The following PACRG variants were observed in gnomAD, a reference collection of about 807,000 sequenced individuals.
PACRG encodes parkin coregulated gene protein.
A neutral mutation model predicts 29.7 loss-of-function variants in PACRG; 29 were observed. The observed-to-expected ratio is 0.98, with a 90% confidence interval of 0.73 to 1.33. The LOEUF (loss-of-function observed/expected upper bound fraction) is 1.33. PACRG is among the 40% of genes most tolerant of loss of function. PACRG has a pLI of 0.00. For synonymous variants in PACRG, 116 were observed against 118.7 expected (o/e 0.98, Z 0.15); for missense variants, 279 against 316.2 (o/e 0.88, Z 0.89).
At chr6:163,289,294 C>T (rs1784501384) in intron 4 of PACRG, among the ~76,000 whole-genome samples, 1 of 152,138 alleles carries the variant, frequency 6.6e-6, no homozygotes, top group Non-Finnish European at 1.5e-5. Flanking sequence ...GCATTAAATG[C>T]GTTAGAACCT....
intron 4 of PACRG, among the ~76,000 whole-genome samples, chr6:163,199,167 A>C (rs767973460): frequency 6.6e-6 from 1 of 152,122 alleles, no homozygotes; most frequent in Non-Finnish European, 1.5e-5. Flanking sequence ...CTTTCACATG[A>C]TCATGTACGG....
At chr6:162,833,737 C>A (rs938848785) in intron 2 of PACRG, among the ~76,000 whole-genome samples, 1 of 151,836 alleles carries the variant, frequency 6.6e-6, no homozygotes, top group African/African-American at 2.4e-5. Context: ...CTTAAAAAAA[C>A]CAATATGTTA....
At chr6:163,181,666 T>C (rs917621771) in intron 4 of PACRG, among the ~76,000 whole-genome samples, 15 of 150,518 alleles carry the variant, frequency 1.0e-4, no homozygotes, top group South Asian at 2.1e-4. Context: ...TTTTTATAGA[T>C]GTATTTTTGT....
intron 2 of PACRG, among the ~76,000 whole-genome samples, chr6:162,865,034 G>A (rs1278020695): frequency 6.6e-6 from 1 of 152,106 alleles, no homozygotes; most frequent in Admixed American, 6.5e-5. Context: ...GCAGAACCTC[G>A]AGTGAATCTT....
Position 162,883,684 on chromosome 6 carries a change from C to CTGTGTGTGTG in PACRG, c.291+69425_291+69434dup, listed in dbSNP as rs144543802. Among the ~76,000 whole-genome samples the CTGTGTGTGTG allele has an allele frequency of 1.8e-3, 269 of 145,846 alleles. 1 individual carries two copies. Among genetic ancestry groups the CTGTGTGTGTG allele is most frequent in the Middle Eastern group, 3.5e-3 (1 of 282 alleles). On this transcript the variant is annotated intron_variant, in intron 2 of 4. Transcript: ENST00000366888. ...AAGGCATCAAACGATTTTTCAAAAA[C>CTGTGTGTGTG]TGTGTGTGTGTGTGTGTGTGTGTGT...
At chr6:163,198,429 C>T (rs1780564973) in intron 4 of PACRG, among the ~76,000 whole-genome samples, 2 of 152,172 alleles carry the variant, frequency 1.3e-5, no homozygotes. Flanking sequence ...CACTTGCTCT[C>T]AGCACTTTAC....
At chr6:162,968,054 A>G (rs968434219) in intron 2 of PACRG, among the ~76,000 whole-genome samples, 3 of 152,206 alleles carry the variant, frequency 2.0e-5, no homozygotes, top group African/African-American at 4.8e-5. Context: ...TTACATAGTG[A>G]GTTACACACT....
chr6:163,220,560 C>T (rs1781545058), intron 4 of PACRG, among the ~76,000 whole-genome samples: 1 of 152,164 alleles, frequency 6.6e-6, no homozygotes, highest in African/African-American at 2.4e-5. Context: ...ATAGAGTTTC[C>T]ATAATATATG....
chr6:163,177,129 T>C (rs1328955068), intron 4 of PACRG, among the ~76,000 whole-genome samples: 3 of 152,072 alleles, frequency 2.0e-5, no homozygotes, highest in Non-Finnish European at 4.4e-5. Context: ...CTTAAAACAG[T>C]GCACAGAAAT....
chr6:163,286,245 G>A (rs983539182), intron 4 of PACRG, among the ~76,000 whole-genome samples: 4 of 152,122 alleles, frequency 2.6e-5, no homozygotes, highest in African/African-American at 9.7e-5. Flanking sequence ...AGTAAAACTG[G>A]CGTGAGTTGT....
At chr6:163,178,134 G>C (rs1779475772) in intron 4 of PACRG, among the ~76,000 whole-genome samples, 1 of 152,158 alleles carries the variant, frequency 6.6e-6, no homozygotes, top group South Asian at 2.1e-4. Flanking sequence ...CAGTGGGCCT[G>C]TGAGAAGGAG....
chr6:163,308,464 G>A (rs960868930), intron 4 of PACRG, among the ~76,000 whole-genome samples: 1 of 152,128 alleles, frequency 6.6e-6, no homozygotes, highest in Non-Finnish European at 1.5e-5. Flanking sequence ...CCAGGAGTTC[G>A]AGACCAGCCT....
chr6:162,837,827 G>C (rs933257124), intron 2 of PACRG, among the ~76,000 whole-genome samples: 3 of 152,028 alleles, frequency 2.0e-5, no homozygotes, highest in African/African-American at 7.2e-5. Context: ...AGTCATCAAA[G>C]GCATCTGGAA....
chr6:163,267,623 G>A (rs1045858489), intron 4 of PACRG, among the ~76,000 whole-genome samples: 12 of 152,182 alleles, frequency 7.9e-5, no homozygotes, highest in African/African-American at 2.7e-4. Flanking sequence ...TCAAAGGTTA[G>A]ATTAAAAAGT....
intron 2 of PACRG, among the ~76,000 whole-genome samples, chr6:162,875,534 G>A (rs577433924): frequency 5.9e-5 from 9 of 152,264 alleles, no homozygotes; most frequent in South Asian, 2.1e-4. Context: ...ATCTTTTCTC[G>A]TTAAACATTT....
At chr6:163,134,734 C>T (rs966934701) in intron 4 of PACRG, among the ~76,000 whole-genome samples, 3 of 152,162 alleles carry the variant, frequency 2.0e-5, no homozygotes, top group Non-Finnish European at 4.4e-5. Flanking sequence ...CTAATACCTA[C>T]CTAACAACTA....
intron 2 of PACRG, among the ~76,000 whole-genome samples, chr6:162,925,050 A>T (rs1797332632): frequency 6.6e-6 from 1 of 152,186 alleles, no homozygotes. Context: ...ATGCAAATAC[A>T]CTAGAAAATC....
intron 2 of PACRG, among the ~76,000 whole-genome samples, chr6:162,988,236 A>G (rs540370210): frequency 6.6e-6 from 1 of 152,250 alleles, no homozygotes; most frequent in South Asian, 2.1e-4. Flanking sequence ...TCCAGGAGCA[A>G]TTACTTTTAA....
chr6:163,146,914 C>T (rs890407371), intron 4 of PACRG, among the ~76,000 whole-genome samples: 2 of 152,182 alleles, frequency 1.3e-5, no homozygotes, highest in Non-Finnish European at 2.9e-5. Context: ...TGCCACCTTG[C>T]GCATGGTCAG....
Sources: gnomAD v4.1 joint callset for allele counts (sites outside exome capture counted in the v4.1 genomes callset) on GRCh38, gnomAD v4.1.1 for gene constraint, MANE v1.5 for transcripts, NCBI Gene and HGNC (gene_info 2026-07-23, HGNC 2026-07-21) for gene names.